Variants in PCDHGA7 observed in about 807,000 individuals in gnomAD.
PCDHGA7 encodes the protein protocadherin gamma subfamily A, 7.
Under a neutral mutation model 58.3 loss-of-function variants are expected in PCDHGA7, and 44 were observed. The observed-to-expected ratio is 0.75, with a 90% CI of 0.59 to 0.97. The LOEUF is 0.97. PCDHGA7 is among the 50% of genes least tolerant of loss of function. The probability of loss-of-function intolerance (pLI) is 0.00; values close to 1 mark genes in which losing one functional copy is unlikely to be tolerated. For missense variants in PCDHGA7, 1,266 were observed against 1,188.7 expected, an observed-to-expected ratio of 1.06 and a Z score of -0.96; for synonymous variants, 516 against 504.2, an observed-to-expected ratio of 1.02 and a Z score of -0.31.
In PCDHGA7 at chr5:141,422,312, C is replaced by T; in HGVS notation, c.2424+36989C>T. On this transcript the variant is annotated intron_variant, in intron 1 of 3. Coordinates refer to ENST00000518325, the MANE Select transcript of PCDHGA7 (RefSeq NM_018920.4). ...ATTAATTCAATTCTGGAAAACTCTC[C>T]TCCAGGTACAGTGATTGCTCTTCTA... The T allele has an allele frequency of 1.9e-6, 3 of 1,547,444 alleles. No individual in the cohort carries two copies. Among genetic ancestry groups the T allele is most frequent in the Non-Finnish European group, 1.7e-6 (2 of 1,153,976 alleles).
rs558972594 is a variant in PCDHGA7 at position 141,485,292 on chromosome 5, A to G, written c.2425-9515A>G. ...CGCTACCCGGTCCCAGAGGAGTCAC[A>G]GGAAGGGACTTTTGTAGGGAATGTC... On this transcript the variant is annotated intron_variant, in intron 1 of 3. Coordinates refer to ENST00000518325, the MANE Select transcript of PCDHGA7 (RefSeq NM_018920.4). The surrounding 1 kb of genome is among the most constrained non-coding windows in gnomAD (Gnocchi z 5.7). 1 of 1,614,120 alleles carries G rather than the reference A, an allele frequency of 6.2e-7. No individual in the cohort carries two copies. Among genetic ancestry groups the G allele is most frequent in the African/African-American group, 1.3e-5 (1 of 75,058 alleles).
chr5:141,439,965 T>C (rs1212358198), intron 1 of PCDHGA7: 1 of 152,760 alleles, frequency 6.5e-6, no homozygotes, highest in Non-Finnish European at 1.5e-5. Flanking sequence ...CGTTATTCAG[T>C]CCTAGAGGAG....
chr5:141,420,269 A>G, intron 1 of PCDHGA7: 1 of 1,544,558 alleles, frequency 6.5e-7, no homozygotes, highest in Admixed American at 2.0e-5. Flanking sequence ...GAAGATTCTT[A>G]AACAGGTAAG....
chr5:141,507,344 AT>A (rs1345461058), intron 3 of PCDHGA7: 5 of 152,206 alleles, frequency 3.3e-5, no homozygotes, highest in Non-Finnish European at 5.9e-5. Context: ...TTTACCTGAA[AT>A]TCAAATTTAA....
At position 141,399,372 on chromosome 5, in the gene PCDHGA7, T is replaced by A; in HGVS notation, c.2424+14049T>A. The A allele has an allele frequency of 1.2e-6, 2 of 1,613,970 alleles. 1 individual carries two copies. The highest frequency in any genetic ancestry group is 2.2e-5 in the South Asian group (2 of 91,086). On this transcript the variant is annotated intron_variant, in intron 1 of 3. Transcript: ENST00000518325. ...ACCGAGAGCAAACCCCGGAGTACAATGTCACCATCACAGCCACAGACAGGG... is the reference window on the plus strand; with the variant it reads ...ACCGAGAGCAAACCCCGGAGTACAAAGTCACCATCACAGCCACAGACAGGG...
At chr5:141,409,515 T>G (rs1273041163) in intron 1 of PCDHGA7, 1 of 1,613,844 alleles carries the variant, frequency 6.2e-7, no homozygotes, top group Non-Finnish European at 8.5e-7. Context: ...AGTAGAAGCA[T>G]CACCTTGTAT....
At chr5:141,495,400 C>T (rs554849650) in intron 2 of PCDHGA7, among the ~76,000 whole-genome samples, 4 of 152,278 alleles carry the variant, frequency 2.6e-5, no homozygotes, top group Non-Finnish European at 1.5e-5. Flanking sequence ...ATGGAGCAGG[C>T]CCCCTTCTCC....
At chr5:141,398,818 C>G in intron 1 of PCDHGA7, 1 of 1,613,958 alleles carries the variant, frequency 6.2e-7, no homozygotes. Flanking sequence ...GCTCCGGATC[C>G]AGGTAACCGA....
At chr5:141,423,265 G>C in intron 1 of PCDHGA7, 1 of 1,613,666 alleles carries the variant, frequency 6.2e-7, no homozygotes, top group Non-Finnish European at 8.5e-7. Flanking sequence ...CGGCAGCCTC[G>C]AGTCTCTGGC....
intron 1 of PCDHGA7, chr5:141,404,430 A>G (rs917902438): frequency 6.2e-7 from 1 of 1,613,298 alleles, no homozygotes; most frequent in African/African-American, 1.3e-5. Context: ...TCCTTGGCAG[A>G]GGATACCATC....
At chr5:141,421,473 C>G (rs907282414) in intron 1 of PCDHGA7, 14 of 1,614,112 alleles carry the variant, frequency 8.7e-6, no homozygotes, top group African/African-American at 1.3e-5. Flanking sequence ...ATCCGCGAAG[C>G]GGCAGCTTGA....
At chr5:141,389,089 T>G in intron 1 of PCDHGA7, 1 of 1,613,978 alleles carries the variant, frequency 6.2e-7, no homozygotes, top group East Asian at 2.2e-5. Flanking sequence ...ACGTATAAAT[T>G]AGTGACAGAT....
rs1383090266 is a variant in PCDHGA7, at chr5:141,388,828, T to C, written c.2424+3505T>C. 6.2e-7 allele frequency: 1 copy of C among 1,613,894 alleles called. No homozygotes were observed. Among genetic ancestry groups the C allele is most frequent in the South Asian group, 1.1e-5 (1 of 91,070 alleles). ...TTTGAAGAAGTCAAAGAATATTCCA[T>C]AGTTTTGGAAGCAAGGGACGGTGGA... On this transcript the variant is annotated intron_variant, in intron 1 of 3. Coordinates refer to ENST00000518325, the MANE Select transcript of PCDHGA7 (RefSeq NM_018920.4).
intron 2 of PCDHGA7, among the ~76,000 whole-genome samples, chr5:141,505,117 G>A (rs575627148): frequency 1.8e-4 from 27 of 152,226 alleles, no homozygotes; most frequent in African/African-American, 3.6e-4. Context: ...AGCCAAGATC[G>A]CGCCACTGCA....
intron 1 of PCDHGA7, chr5:141,492,046 AC>A (rs955983612): frequency 2.0e-6 from 1 of 494,316 alleles, no homozygotes; most frequent in African/African-American, 2.0e-5. Context: ...TCACAGATCC[AC>A]CCCTGCAGCC....
At chr5:141,510,353 C>T (rs74759939) in intron 3 of PCDHGA7, among the ~76,000 whole-genome samples, 2 of 146,504 alleles carry the variant, frequency 1.4e-5, no homozygotes, top group African/African-American at 5.0e-5. Context: ...CACTTACTAA[C>T]GGAACTACCG....
intron 1 of PCDHGA7, chr5:141,400,383 T>C (rs1267422491): frequency 6.2e-7 from 1 of 1,614,088 alleles, no homozygotes. Flanking sequence ...ACCTATGTGT[T>C]GCACATACAG....
rs777925358 is a variant in PCDHGA7 at position 141,477,657 on chromosome 5, G to T, written c.2425-17150G>T. ...GTGGGTCGCTATTTCACAATAAATC[G>T]TGACAATGGCATAGTGTCATCCTTA... On this transcript the variant is annotated intron_variant, in intron 1 of 3. Transcript: ENST00000518325. This position sits in a 1 kb window ranked among gnomAD's most constrained non-coding sequence, Gnocchi z 4.9. 6.8e-6 allele frequency: 11 copies of T among 1,614,072 alleles called. No individual in the cohort carries two copies. Among genetic ancestry groups the T allele is most frequent in the South Asian group, 2.2e-5 (2 of 91,090 alleles).
In PCDHGA7 at chr5:141,485,513, T is replaced by C. The variant is rs751762068; in HGVS notation, c.2425-9294T>C. The C allele has an allele frequency of 4.3e-6, 7 of 1,613,938 alleles. No homozygotes were observed. The highest frequency in any genetic ancestry group is 2.2e-5 in the East Asian group (1 of 44,890). On this transcript the variant is annotated intron_variant, in intron 1 of 3. Coordinates refer to ENST00000518325, the MANE Select transcript of PCDHGA7 (RefSeq NM_018920.4). The surrounding 1 kb of genome is among the most constrained non-coding windows in gnomAD (Gnocchi z 5.7). ...CCTGGAGTTTGTCACCGAAGGTCCTTTGGAAATGTACCGAGCAGAGGTAGA... is the reference window on the plus strand; with the variant it reads ...CCTGGAGTTTGTCACCGAAGGTCCTCTGGAAATGTACCGAGCAGAGGTAGA...
Sources: gnomAD v4.1 joint callset for allele counts (sites outside exome capture counted in the v4.1 genomes callset) on GRCh38, gnomAD v4.1.1 for gene constraint, Gnocchi (gnomAD v3.1) non-coding constraint, MANE v1.5 for transcripts, NCBI Gene and HGNC (gene_info 2026-07-23, HGNC 2026-07-21) for gene names.